The following WDR27 variants were observed in gnomAD, a reference collection of about 807,000 sequenced individuals.
WDR27 encodes the protein WD repeat-containing protein 27.
A neutral mutation model predicts 114.4 loss-of-function variants in WDR27; 100 were observed. The observed-to-expected ratio is 0.87, with a 90% confidence interval of 0.74 to 1.03. The LOEUF is 1.03. Ranked by LOEUF, WDR27 falls within the 50% of genes least tolerant of loss-of-function variation. The probability of loss-of-function intolerance (pLI) is 0.00; values close to 1 mark genes in which losing one functional copy is unlikely to be tolerated. For missense variants in WDR27, 1,129 were observed against 1,092.9 expected (o/e 1.03, Z -0.47); for synonymous variants, 449 against 423.1 (o/e 1.06, Z -0.75).
intron 25 of WDR27, among the ~76,000 whole-genome samples, chr6:169,482,633 G>A (rs1788336293): frequency 6.6e-6 from 1 of 152,150 alleles, no homozygotes; most frequent in Non-Finnish European, 1.5e-5. Context: ...CATCAAGGCA[G>A]AAAATTAACA....
chr6:169,497,969 A>T (rs1790628284), intron 25 of WDR27, among the ~76,000 whole-genome samples: 1 of 152,206 alleles, frequency 6.6e-6, no homozygotes, highest in South Asian at 2.1e-4. Context: ...TGTTCATAAC[A>T]GCATCATTCA....
At chr6:169,639,156 C>A (rs921484843) in intron 17 of WDR27, among the ~76,000 whole-genome samples, 1 of 127,776 alleles carries the variant, frequency 7.8e-6, no homozygotes, top group Non-Finnish European at 1.6e-5. Flanking sequence ...CTGTGTGGGG[C>A]GTGTACTGCG....
chr6:169,583,807 C>G (rs1048465412), intron 23 of WDR27, among the ~76,000 whole-genome samples: 2 of 151,938 alleles, frequency 1.3e-5, no homozygotes, highest in Middle Eastern at 3.2e-3. Flanking sequence ...TTGAAGTTTG[C>G]AATATGATTT....
chr6:169,609,674 G>T (rs1810068622), intron 22 of WDR27, among the ~76,000 whole-genome samples: 1 of 152,198 alleles, frequency 6.6e-6, no homozygotes, highest in African/African-American at 2.4e-5. Flanking sequence ...CTGCCATGAG[G>T]ACCTCTGACG....
At chr6:169,459,209 G>A (rs999123706) in intron 25 of WDR27, among the ~76,000 whole-genome samples, 1 of 152,018 alleles carries the variant, frequency 6.6e-6, no homozygotes. Flanking sequence ...GAGAGATGTG[G>A]ATAAAGTGAG....
At position 169,701,989 on chromosome 6, in the gene WDR27, T is replaced by C. The variant is rs1344160796; in HGVS notation, c.-446A>G. On this transcript the variant is annotated 5_prime_UTR_variant, in exon 1 of 26. In the 5' UTR this introduces an upstream ATG that the reference lacks. Coordinates refer to ENST00000448612, the MANE Select transcript of WDR27 (RefSeq NM_182552.5). ...CCACACTCCGCCCCACGCTCGCCGC[T>C]ATGGTTACTTGCCAGCCGACCCACG... 7.3e-6 allele frequency: 3 copies of C among 411,850 alleles called. No individual in the cohort carries two copies. The highest frequency in any genetic ancestry group is 1.5e-5 in the Non-Finnish European group (3 of 204,196). 25.5% of individuals were successfully genotyped at this position (411,850 alleles called of 1,614,324 possible). A position where few individuals can be genotyped will look rare whatever the true frequency, so the allele number is the denominator to read the frequency against.
the WDR27 span, chr6:169,427,202 A>T: frequency 6.6e-6 from 1 of 152,542 alleles, no homozygotes; most frequent in African/African-American, 2.4e-5. Flanking sequence ...GAAACCGATC[A>T]TCACCGCTGC....
At position 169,638,126 on chromosome 6, in the gene WDR27, C is replaced by G. The variant is rs373125382; in HGVS notation, c.1869+413G>C. Reference sequence around the variant, plus strand: ...GGTCAGGAGATCGAGACCATCCTGGCTAACAAGGTGAAACCCCGTCTCTAC... The same window carrying G: ...GGTCAGGAGATCGAGACCATCCTGGGTAACAAGGTGAAACCCCGTCTCTAC... On this transcript the variant is annotated intron_variant, in intron 18 of 25. Transcript: ENST00000448612. Among the ~76,000 whole-genome samples, 3 of 126,994 alleles carry G rather than the reference C, an allele frequency of 2.4e-5. 1 individual carries two copies. The highest frequency in any genetic ancestry group is 4.8e-5 in the Non-Finnish European group (3 of 62,440). 83.3% of individuals were successfully genotyped at this position (126,994 alleles called of 152,430 possible). A position where few individuals can be genotyped will look rare whatever the true frequency, so the allele number is the denominator to read the frequency against.
chr6:169,545,288 A>G (rs1797324481), intron 25 of WDR27, among the ~76,000 whole-genome samples: 1 of 152,266 alleles, frequency 6.6e-6, no homozygotes, highest in South Asian at 2.1e-4. Flanking sequence ...GGTGTAAAAC[A>G]AATTATAAAA....
At chr6:169,595,548 A>G (rs1331704553) in intron 23 of WDR27, among the ~76,000 whole-genome samples, 1 of 152,172 alleles carries the variant, frequency 6.6e-6, no homozygotes, top group Non-Finnish European at 1.5e-5. Flanking sequence ...GTCAGCTTCA[A>G]CTGATCTCTT....
At chr6:169,567,153 C>T (rs1170129118) in intron 25 of WDR27, among the ~76,000 whole-genome samples, 2 of 152,186 alleles carry the variant, frequency 1.3e-5, no homozygotes, top group Non-Finnish European at 2.9e-5. Context: ...GACAGTGACA[C>T]CTGGGGTGAT....
intron 25 of WDR27, among the ~76,000 whole-genome samples, chr6:169,543,173 C>T (rs1052732299): frequency 6.6e-6 from 1 of 152,010 alleles, no homozygotes; most frequent in Non-Finnish European, 1.5e-5. Context: ...CGTTTTATAT[C>T]TTTTCTATAA....
At chr6:169,500,855 G>A (rs369601933) in intron 25 of WDR27, among the ~76,000 whole-genome samples, 28 of 152,170 alleles carry the variant, frequency 1.8e-4, no homozygotes, top group African/African-American at 3.6e-4. Flanking sequence ...AAACAGCCAC[G>A]CGAGCTGCGC....
intron 25 of WDR27, among the ~76,000 whole-genome samples, chr6:169,505,362 A>G (rs1215600833): frequency 6.6e-6 from 1 of 152,222 alleles, no homozygotes; most frequent in Non-Finnish European, 1.5e-5. Flanking sequence ...CTATGAGGGC[A>G]ATAATAATAA....
intron 1 of WDR27, among the ~76,000 whole-genome samples, chr6:169,695,247 G>A (rs1039170463): frequency 3.3e-5 from 5 of 152,182 alleles, no homozygotes; most frequent in Admixed American, 1.3e-4. Flanking sequence ...AGCTAGGACC[G>A]ATGGAAGCCA....
At chr6:169,537,433 C>A (rs1006708577) in intron 25 of WDR27, among the ~76,000 whole-genome samples, 2 of 152,138 alleles carry the variant, frequency 1.3e-5, no homozygotes, top group African/African-American at 2.4e-5. Context: ...GACAAGAAGT[C>A]ATTCATAAGA....
At chr6:169,662,785 G>A (rs1467830134) in intron 8 of WDR27, among the ~76,000 whole-genome samples, 1 of 98,972 alleles carries the variant, frequency 1.0e-5, no homozygotes, top group Non-Finnish European at 1.9e-5. Context: ...AGCATGACGC[G>A]CGTGCACCGC....
intron 2 of WDR27, among the ~76,000 whole-genome samples, chr6:169,682,081 C>T (rs575663329): frequency 6.6e-6 from 1 of 152,320 alleles, no homozygotes; most frequent in Admixed American, 6.5e-5. Context: ...AACCTCTGTC[C>T]CACAGCAGAT....
At chr6:169,633,694 G>A (rs1211815402) in intron 20 of WDR27, among the ~76,000 whole-genome samples, 2 of 152,186 alleles carry the variant, frequency 1.3e-5, no homozygotes, top group Non-Finnish European at 2.9e-5. Flanking sequence ...CAAGAGACCC[G>A]TAATGCTGGT....
Sources: allele counts gnomAD v4.1 joint callset (sites outside exome capture counted in the v4.1 genomes callset), GRCh38; gene constraint gnomAD v4.1.1; transcripts MANE v1.5; gene names NCBI Gene and HGNC (gene_info 2026-07-23, HGNC 2026-07-21).